Variants in TYW1B observed in about 807,000 individuals in gnomAD.
TYW1B encodes the protein S-adenosyl-L-methionine-dependent tRNA 4-demethylwyosine synthase TYW1B.
TYW1B carries 73 observed loss-of-function variants against 86.9 expected under a neutral mutation model. The ratio of observed to expected loss-of-function variants is 0.84; its 90% confidence interval spans 0.70 to 1.02. TYW1B has a LOEUF of 1.02. TYW1B is among the 50% of genes least tolerant of loss of function. The probability of loss-of-function intolerance (pLI) is 0.00; values close to 1 mark genes in which losing one functional copy is unlikely to be tolerated. For missense variants in TYW1B, 637 were observed against 827.4 expected (o/e 0.77, Z 2.82); for synonymous variants, 248 against 292.8 (o/e 0.85, Z 1.56).
chr7:72,722,027 A>T (rs1786912963), intron 9 of TYW1B, among the ~76,000 whole-genome samples: 1 of 152,206 alleles, frequency 6.6e-6, no homozygotes, highest in African/African-American at 2.4e-5. Context: ...CTTTCTTCTC[A>T]TAACAATGCA....
At chr7:72,647,482 T>C (rs1812956773) in intron 11 of TYW1B, among the ~76,000 whole-genome samples, 1 of 152,200 alleles carries the variant, frequency 6.6e-6, no homozygotes, top group Non-Finnish European at 1.5e-5. Context: ...AAGGAATGGC[T>C]AGATGATTTA....
At chr7:72,766,613 C>CAAAAAA (rs56738770) in intron 7 of TYW1B, among the ~76,000 whole-genome samples, 1 of 82,890 alleles carries the variant, frequency 1.2e-5, no homozygotes, top group African/African-American at 5.2e-5. Flanking sequence ...GATTCAGTCT[C>CAAAAAA]AAAAAAAAAA....
At chr7:72,744,389 G>A (rs1787357197) in intron 8 of TYW1B, 95 bp downstream of exon 8, 1 of 1,273,776 alleles carries the variant, frequency 7.9e-7, no homozygotes, top group African/African-American at 1.5e-5. Context: ...CACCAAGACA[G>A]CAGAGCTCTT....
intron 6 of TYW1B, among the ~76,000 whole-genome samples, chr7:72,800,699 C>T (rs566669287): frequency 1.0e-3 from 101 of 99,892 alleles, no homozygotes; most frequent in African/African-American, 3.8e-3. Context: ...GAGCAAGACT[C>T]GAAAAGTCAA....
intron 8 of TYW1B, among the ~76,000 whole-genome samples, chr7:72,740,826 G>A (rs1268441561): frequency 6.6e-6 from 1 of 150,546 alleles, no homozygotes; most frequent in Non-Finnish European, 1.5e-5. Context: ...CACCTCCCGA[G>A]CTCACGCCAT....
rs547526391 is a variant in TYW1B, at chr7:72,664,526, C to T, written c.1506+30161G>A. 3.3e-5 allele frequency among the ~76,000 whole-genome samples: 5 copies of T among 152,228 alleles called. No individual in the cohort carries two copies. In the East Asian group the frequency reaches 7.7e-4, roughly 23 times the overall value. On this transcript the variant is annotated intron_variant, in intron 11 of 13. Transcript: ENST00000620995. ...TGGAAAACCAAATACCACATGCTCT[C>T]ACTTATAAGTGGGAGCTAAATGATG...
At chr7:72,625,896 C>CGGGGG (rs71876528) in intron 12 of TYW1B, among the ~76,000 whole-genome samples, 1 of 71,428 alleles carries the variant, frequency 1.4e-5, no homozygotes, top group African/African-American at 5.4e-5. Context: ...AGAGGTGGGG[C>CGGGGG]GGGGGGGGGG....
rs111784988 is a variant in TYW1B at position 72,825,260 on chromosome 7, T to A, written c.135+1595A>T. Among the ~76,000 whole-genome samples the A allele has an allele frequency of 7.4e-4, 113 of 152,248 alleles. 1 individual carries two copies. The highest frequency in any genetic ancestry group is 2.7e-3 in the African/African-American group (111 of 41,522). ...CTTAGATGGCACTACAGCCAGACAC[T>A]GTTCCCCCCCAAAAAAGAGAGAATG... On this transcript the variant is annotated intron_variant, in intron 2 of 13. Transcript: ENST00000620995.
At chr7:72,597,999 T>C (rs1554432957) in intron 13 of TYW1B, among the ~76,000 whole-genome samples, 2 of 152,168 alleles carry the variant, frequency 1.3e-5, no homozygotes, top group African/African-American at 4.8e-5. Flanking sequence ...TGAGGACAGA[T>C]TCGCACATGA....
intron 13 of TYW1B, among the ~76,000 whole-genome samples, chr7:72,587,469 G>C (rs1371565850): frequency 6.6e-6 from 1 of 152,162 alleles, no homozygotes; most frequent in African/African-American, 2.4e-5. Context: ...CAGTGAGCCA[G>C]GAGTGCTGAT....
chr7:72,806,568 G>A (rs1175951505), intron 5 of TYW1B, among the ~76,000 whole-genome samples: 7 of 151,852 alleles, frequency 4.6e-5, no homozygotes, highest in South Asian at 2.1e-4. Flanking sequence ...CATCTAGCAC[G>A]ATATGGCTTA....
At chr7:72,689,290 C>T (rs782675799) in intron 11 of TYW1B, among the ~76,000 whole-genome samples, 1 of 152,158 alleles carries the variant, frequency 6.6e-6, no homozygotes, top group African/African-American at 2.4e-5. Flanking sequence ...CTACAAGAAA[C>T]TCTAGGATAA....
rs797036708 is a variant in TYW1B at position 72,632,283 on chromosome 7, G to A, written c.1507-3286C>T. On this transcript the variant is annotated intron_variant, in intron 11 of 13. Transcript: ENST00000620995. ...CCAAAAAATATATATATATATATAC[G>A]TGTATATATATATATACGTGTATAT... Among the ~76,000 whole-genome samples the A allele has an allele frequency of 1.1e-3, 62 of 54,126 alleles. 2 individuals carry two copies. The highest frequency in any genetic ancestry group is 4.4e-3 in the African/African-American group (27 of 6,110). 35.5% of individuals were successfully genotyped at this position (54,126 alleles called of 152,430 possible).
chr7:72,714,810 G>A (rs559046195), intron 9 of TYW1B, among the ~76,000 whole-genome samples: 47 of 152,244 alleles, frequency 3.1e-4, no homozygotes, highest in Admixed American at 1.3e-3. Flanking sequence ...CCAGCTACTC[G>A]GGAGGCTGAG....
chr7:72,751,096 G>A (rs1248016061), intron 7 of TYW1B, among the ~76,000 whole-genome samples: 1 of 150,996 alleles, frequency 6.6e-6, no homozygotes, highest in Non-Finnish European at 1.5e-5. Flanking sequence ...GAAGTGCGGT[G>A]GTATGATCTT....
chr7:72,770,953 C>CTTTTTTTTTTTTTTTTT (rs202136569), intron 7 of TYW1B, among the ~76,000 whole-genome samples: 1 of 87,502 alleles, frequency 1.1e-5, no homozygotes, highest in African/African-American at 4.5e-5. Context: ...TATGAATTTC[C>CTTTTTTTTTTTTTTTTT]TTTTTTTTTT....
chr7:72,750,106 G>A (rs1195845096), intron 7 of TYW1B, among the ~76,000 whole-genome samples: 1 of 151,428 alleles, frequency 6.6e-6, no homozygotes, highest in Non-Finnish European at 1.5e-5. Flanking sequence ...TTGCTATATT[G>A]CCCAGGCTGG....
chr7:72,766,461 A>C (rs1787771118), intron 7 of TYW1B, among the ~76,000 whole-genome samples: 1 of 151,544 alleles, frequency 6.6e-6, no homozygotes, highest in Admixed American at 6.6e-5. Flanking sequence ...TGAAAATATA[A>C]AAATTAGTTG....
intron 13 of TYW1B, among the ~76,000 whole-genome samples, chr7:72,613,953 C>A (rs192599653): frequency 7.5e-6 from 1 of 132,652 alleles, no homozygotes; most frequent in Admixed American, 9.1e-5. Flanking sequence ...ATGACCAATG[C>A]AACATTTCCT....
Sources: gnomAD v4.1 joint callset for allele counts (sites outside exome capture counted in the v4.1 genomes callset) on GRCh38, gnomAD v4.1.1 for gene constraint, MANE v1.5 for transcripts, NCBI Gene and HGNC (gene_info 2026-07-23, HGNC 2026-07-21) for gene names.